The following FCHSD2 variants were observed in gnomAD, a reference collection of about 807,000 sequenced individuals.
FCHSD2 encodes FCH and double SH3 domains 2, also known as F-BAR and double SH3 domains protein 2.
In FCHSD2, 38 loss-of-function variants were observed where a neutral mutation model predicts 108.1. That is an observed-to-expected ratio of 0.35 (90% CI 0.27 to 0.46). The LOEUF is 0.46. FCHSD2 is among the 20% of genes least tolerant of loss of function. FCHSD2 has a pLI of 1.00. For synonymous variants in FCHSD2, 279 were observed against 314.7 expected, an observed-to-expected ratio of 0.89 and a Z score of 1.20; for missense variants, 751 against 897.8, an observed-to-expected ratio of 0.84 and a Z score of 2.09.
At chr11:72,942,676 A>T (rs1399672922) in intron 8 of FCHSD2, among the ~76,000 whole-genome samples, 2 of 152,186 alleles carry the variant, frequency 1.3e-5, no homozygotes, top group Non-Finnish European at 2.9e-5. Context: ...ACTTTATTAA[A>T]ATTAAAAAGT....
At chr11:72,959,395 A>AT (rs530090539) in intron 8 of FCHSD2, among the ~76,000 whole-genome samples, 10,076 of 137,982 alleles carry the variant, frequency 0.073, 461 homozygotes, top group South Asian at 0.17. Flanking sequence ...ATGCCCGGCT[A>AT]TTTTTTTTTT....
intron 8 of FCHSD2, chr11:72,940,427 T>A: frequency 1.6e-6 from 1 of 609,436 alleles, no homozygotes; most frequent in Non-Finnish European, 2.9e-6. Context: ...GAGGTTAGTA[T>A]AATATGTGGC....
chr11:72,930,363 C>G (rs944632106), intron 8 of FCHSD2, among the ~76,000 whole-genome samples: 1 of 152,228 alleles, frequency 6.6e-6, no homozygotes, highest in Admixed American at 6.5e-5. Context: ...TTTGTACATA[C>G]TGAAGATCAC....
intron 5 of FCHSD2, among the ~76,000 whole-genome samples, chr11:72,989,767 G>A (rs1452348880): frequency 2.6e-5 from 4 of 152,182 alleles, no homozygotes; most frequent in Non-Finnish European, 5.9e-5. Context: ...GGACCTTTCT[G>A]AGTATCCAAA....
chr11:73,094,422 C>T (rs1230283607), intron 2 of FCHSD2, among the ~76,000 whole-genome samples: 1 of 151,888 alleles, frequency 6.6e-6, no homozygotes, highest in Non-Finnish European at 1.5e-5. Context: ...AGTTATATAC[C>T]AAGAAAAATG....
chr11:73,060,939 C>T (rs1251099851), intron 3 of FCHSD2, among the ~76,000 whole-genome samples: 1 of 152,168 alleles, frequency 6.6e-6, no homozygotes, highest in Non-Finnish European at 1.5e-5. Context: ...TGAAAAAATG[C>T]TACCAACAGC....
chr11:72,838,969 G>A, intron 19 of FCHSD2, 95 bp from the exon 20 acceptor site: 3 of 1,031,556 alleles, frequency 2.9e-6, no homozygotes, highest in Admixed American at 2.0e-5. Context: ...CCAAGGACAT[G>A]GGCACCCTAG....
chr11:72,858,859 T>C (rs1280070280), intron 13 of FCHSD2, among the ~76,000 whole-genome samples: 2 of 152,204 alleles, frequency 1.3e-5, no homozygotes, highest in Non-Finnish European at 2.9e-5. Context: ...TTTAACCTCC[T>C]GTCAGAAACA....
intron 8 of FCHSD2, among the ~76,000 whole-genome samples, chr11:72,935,822 A>G (rs192112753): frequency 6.6e-6 from 1 of 152,352 alleles, no homozygotes; most frequent in African/African-American, 2.4e-5. Context: ...ACAAATAAGG[A>G]AGTTTATGTC....
At chr11:73,107,146 A>T (rs1450885904) in intron 2 of FCHSD2, among the ~76,000 whole-genome samples, 1 of 151,936 alleles carries the variant, frequency 6.6e-6, no homozygotes, top group African/African-American at 2.4e-5. Context: ...CTTGATTCTC[A>T]AGACTCTCCG....
intron 3 of FCHSD2, among the ~76,000 whole-genome samples, chr11:73,040,416 A>G (rs762842862): frequency 3.9e-5 from 6 of 152,230 alleles, no homozygotes; most frequent in Non-Finnish European, 7.3e-5. Context: ...ATACACACAG[A>G]TACACATTTG....
rs11408216 is a variant in FCHSD2 at position 72,959,220 on chromosome 11, C to CTTTTTTTTTTTTTTTTT, written c.705+24851_705+24867dup. Among the ~76,000 whole-genome samples the CTTTTTTTTTTTTTTTTT allele has an allele frequency of 1.8e-4, 10 of 56,326 alleles. 2 individuals carry two copies. The highest frequency in any genetic ancestry group is 4.9e-4 in the African/African-American group (7 of 14,164). 37.0% of individuals were successfully genotyped at this position (56,326 alleles called of 152,430 possible). A position where few individuals can be genotyped will look rare whatever the true frequency, so the allele number is the denominator to read the frequency against. On this transcript the variant is annotated intron_variant, in intron 8 of 19. Coordinates refer to ENST00000409418, the MANE Select transcript of FCHSD2 (RefSeq NM_014824.3). ...TTTTCCACTTCATATATCCAGCAGT[C>CTTTTTTTTTTTTTTTTT]TTTTTTTTTTTTTTTTTTTTTTTTT...
chr11:73,049,449 T>C (rs996773806), intron 3 of FCHSD2, among the ~76,000 whole-genome samples: 3 of 149,504 alleles, frequency 2.0e-5, no homozygotes, highest in African/African-American at 4.9e-5. Context: ...ATTTTTATGA[T>C]TGGAAAGACT....
At chr11:72,977,788 T>C (rs1300365126) in intron 8 of FCHSD2, among the ~76,000 whole-genome samples, 1 of 152,250 alleles carries the variant, frequency 6.6e-6, no homozygotes, top group African/African-American at 2.4e-5. Flanking sequence ...AGAAATACCA[T>C]TTGACCGAGC....
Position 73,009,217 on chromosome 11 carries a change from T to G in FCHSD2, c.242+6592A>C, listed in dbSNP as rs189054347. 9.2e-3 allele frequency among the ~76,000 whole-genome samples: 1,397 copies of G among 152,234 alleles called. 10 individuals are homozygous for G. The highest frequency in any genetic ancestry group is 0.015 in the Non-Finnish European group (1,006 of 67,992). ...GACAATTTAAAATCATACTACAGGC[T>G]GGGTGTGGTGGCTCACGCCTGTAAT... On this transcript the variant is annotated intron_variant, in intron 4 of 19. Coordinates refer to ENST00000409418, the MANE Select transcript of FCHSD2 (RefSeq NM_014824.3).
chr11:72,875,128 A>C (rs990530204), intron 12 of FCHSD2, among the ~76,000 whole-genome samples: 1 of 152,208 alleles, frequency 6.6e-6, no homozygotes, highest in African/African-American at 2.4e-5. Context: ...CCTTTAACAT[A>C]TCTCTTCTCT....
intron 2 of FCHSD2, among the ~76,000 whole-genome samples, chr11:73,089,145 A>G (rs577570736): frequency 1.3e-5 from 2 of 152,304 alleles, no homozygotes; most frequent in South Asian, 4.1e-4. Context: ...ATAATGTATC[A>G]TATATATATC....
intron 3 of FCHSD2, among the ~76,000 whole-genome samples, chr11:73,063,649 G>A (rs1417665293): frequency 1.3e-5 from 2 of 152,090 alleles, no homozygotes; most frequent in Non-Finnish European, 2.9e-5. Context: ...CCTAATCTCT[G>A]ATAAAACAGA....
chr11:73,095,702 T>C (rs1195049957), intron 2 of FCHSD2, among the ~76,000 whole-genome samples: 1 of 152,146 alleles, frequency 6.6e-6, no homozygotes, highest in Non-Finnish European at 1.5e-5. Flanking sequence ...AATTCTGCAT[T>C]TGCAACAACA....
Sources: gnomAD v4.1 joint callset for allele counts (sites outside exome capture counted in the v4.1 genomes callset) on GRCh38, gnomAD v4.1.1 for gene constraint, MANE v1.5 for transcripts, NCBI Gene and HGNC (gene_info 2026-07-23, HGNC 2026-07-21) for gene names.